HS3ST5: variants seen among roughly 807,000 people sequenced by gnomAD.
HS3ST5 encodes heparan sulfate-glucosamine 3-sulfotransferase 5.
HS3ST5 carries 10 observed loss-of-function variants against 25.4 expected under a neutral mutation model. That is an observed-to-expected ratio of 0.39 (90% CI 0.24 to 0.67). The LOEUF (loss-of-function observed/expected upper bound fraction) is 0.67, where lower values mean the gene tolerates loss of function less well. Ranked by LOEUF, HS3ST5 falls within the 30% of genes least tolerant of loss-of-function variation. The pLI, the probability that HS3ST5 is intolerant of heterozygous loss-of-function variation, is 0.44. For synonymous variants in HS3ST5, 170 were observed against 162.4 expected (o/e 1.05, Z -0.36); for missense variants, 324 against 420.7 (o/e 0.77, Z 2.01).
chr6:114,117,918 A>G (rs1582619709), intron 3 of HS3ST5, among the ~76,000 whole-genome samples: 1 of 81,082 alleles, frequency 1.2e-5, no homozygotes, highest in South Asian at 4.6e-4. Flanking sequence ...AAATGTCTCT[A>G]TAGTGTCTCA....
chr6:114,166,609 C>T (rs553346609), intron 3 of HS3ST5, among the ~76,000 whole-genome samples: 78 of 152,206 alleles, frequency 5.1e-4, no homozygotes, highest in African/African-American at 1.8e-3. Flanking sequence ...TGCACTATTA[C>T]ACAGGGTGAG....
At chr6:114,276,263 G>A (rs1773849738) in intron 1 of HS3ST5, among the ~76,000 whole-genome samples, 1 of 151,882 alleles carries the variant, frequency 6.6e-6, no homozygotes, top group African/African-American at 2.4e-5. Context: ...GACCTATGGG[G>A]TTCTCAGTTC....
chr6:114,076,432 A>T (rs1774139925), intron 3 of HS3ST5, among the ~76,000 whole-genome samples: 1 of 152,172 alleles, frequency 6.6e-6, no homozygotes, highest in Non-Finnish European at 1.5e-5. Flanking sequence ...GTACATTTTA[A>T]TTTTTAATGT....
At chr6:114,153,230 T>G (rs1198692413) in intron 3 of HS3ST5, among the ~76,000 whole-genome samples, 1 of 152,198 alleles carries the variant, frequency 6.6e-6, no homozygotes, top group Non-Finnish European at 1.5e-5. Context: ...CTGGGATATC[T>G]CCTTTTGTAT....
At chr6:114,092,075 G>T (rs1304452159) in intron 3 of HS3ST5, among the ~76,000 whole-genome samples, 1 of 152,204 alleles carries the variant, frequency 6.6e-6, no homozygotes, top group African/African-American at 2.4e-5. Flanking sequence ...AGGCCAAAAA[G>T]AGGTCAGTGG....
In HS3ST5 at chr6:114,055,797, A is replaced by C. The variant is rs1444527824; in HGVS notation, c.*1460T>G. 6 of 151,568 alleles carry C rather than the reference A, an allele frequency of 4.0e-5. No homozygotes were observed. The highest frequency in any genetic ancestry group is 8.8e-5 in the Non-Finnish European group (6 of 67,900). The allele number at this position is 151,568 out of a possible 1,614,324, so 9.4% of individuals were successfully genotyped here. On this transcript the variant is annotated 3_prime_UTR_variant, in exon 5 of 5. Coordinates refer to ENST00000312719, the MANE Select transcript of HS3ST5 (RefSeq NM_153612.4). ...TGGATTAGCAACTGTGATTGTGAGA[A>C]AAAAAAAATCCATCTTTTTGTTGTC...
intron 1 of HS3ST5, among the ~76,000 whole-genome samples, chr6:114,283,998 C>T (rs772380704): frequency 1.3e-5 from 2 of 151,880 alleles, no homozygotes; most frequent in Non-Finnish European, 2.9e-5. Flanking sequence ...CTCCATTCCA[C>T]GTAGGTCTAG....
At chr6:114,185,917 A>C (rs1444182876) in intron 2 of HS3ST5, among the ~76,000 whole-genome samples, 2 of 152,024 alleles carry the variant, frequency 1.3e-5, no homozygotes, top group Non-Finnish European at 2.9e-5. Flanking sequence ...TTTTATTAGT[A>C]GAGACAGGGT....
chr6:114,078,055 T>C (rs1480259665), intron 3 of HS3ST5, among the ~76,000 whole-genome samples: 1 of 152,202 alleles, frequency 6.6e-6, no homozygotes, highest in Non-Finnish European at 1.5e-5. Flanking sequence ...GAAATATGAA[T>C]GTATCATATT....
chr6:114,305,220 C>G (rs1775239589), intron 1 of HS3ST5, among the ~76,000 whole-genome samples: 1 of 152,058 alleles, frequency 6.6e-6, no homozygotes, highest in Non-Finnish European at 1.5e-5. Context: ...ATTAATATCA[C>G]CACCCACCTC....
At chr6:114,298,733 C>T (rs1163259021) in intron 1 of HS3ST5, among the ~76,000 whole-genome samples, 1 of 152,190 alleles carries the variant, frequency 6.6e-6, no homozygotes, top group Admixed American at 6.5e-5. Flanking sequence ...CAAATTAATA[C>T]TTTTACAATT....
intron 1 of HS3ST5, among the ~76,000 whole-genome samples, chr6:114,267,765 A>T (rs532240604): frequency 1.4e-4 from 21 of 152,274 alleles, no homozygotes; most frequent in Admixed American, 2.6e-4. Flanking sequence ...GCCAGGTAGA[A>T]CAAGCAATCT....
rs1779315397 is a variant in HS3ST5, at chr6:114,168,368, C to T, written c.-50G>A. ...ACACATACCTACATTCAGACAGGTC[C>T]CTATTATTCCAGCGATGATTATCTT... On this transcript the variant is annotated 5_prime_UTR_variant, in exon 3 of 5. Coordinates refer to ENST00000312719, the MANE Select transcript of HS3ST5 (RefSeq NM_153612.4). The T allele has an allele frequency of 6.6e-6, 1 of 152,182 alleles. No individual in the cohort carries two copies. The highest frequency in any genetic ancestry group is 1.9e-4 in the East Asian group (1 of 5,186). 9.4% of individuals were successfully genotyped at this position (152,182 alleles called of 1,614,324 possible).
At chr6:114,217,444 T>C (rs571507904) in intron 2 of HS3ST5, among the ~76,000 whole-genome samples, 2 of 152,332 alleles carry the variant, frequency 1.3e-5, no homozygotes, top group South Asian at 4.1e-4. Context: ...TATAATTATA[T>C]AAAGTTGTAT....
chr6:114,114,184 T>C (rs1776406330), intron 3 of HS3ST5, among the ~76,000 whole-genome samples: 6 of 152,172 alleles, frequency 3.9e-5, no homozygotes, highest in Admixed American at 3.9e-4. Context: ...ACCACTATAG[T>C]GCCAAACATG....
chr6:114,189,647 T>C (rs1780401814), intron 2 of HS3ST5, among the ~76,000 whole-genome samples: 1 of 152,208 alleles, frequency 6.6e-6, no homozygotes, highest in African/African-American at 2.4e-5. Flanking sequence ...TTAATTTCCA[T>C]GCATATTTTT....
rs185079173 is a variant in HS3ST5, at chr6:114,293,758, T to C, written c.-339+48437A>G. On this transcript the variant is annotated intron_variant, in intron 1 of 4. Transcript: ENST00000312719. ...AATGCCAACTCTGGGCTTTAAATAG[T>C]GAACTCAAAGAAGAGCCTGAGAAGA... Among the ~76,000 whole-genome samples, 427 of 152,236 alleles carry C rather than the reference T, an allele frequency of 2.8e-3. 2 individuals are homozygous for C. The highest frequency in any genetic ancestry group is 9.7e-3 in the African/African-American group (403 of 41,540).
intron 3 of HS3ST5, among the ~76,000 whole-genome samples, chr6:114,141,889 TGTGTGTG>T: frequency 6.6e-6 from 1 of 150,722 alleles, no homozygotes; most frequent in Non-Finnish European, 1.5e-5. Context: ...TGTGTGTGTG[TGTGTGTG>T]TGTGTGTGTA....
intron 3 of HS3ST5, among the ~76,000 whole-genome samples, chr6:114,113,869 G>A (rs1412104246): frequency 6.6e-6 from 1 of 151,970 alleles, no homozygotes; most frequent in Non-Finnish European, 1.5e-5. Context: ...GTCCTTGGAA[G>A]TAGTATGAAA....
Sources: allele counts gnomAD v4.1 joint callset (sites outside exome capture counted in the v4.1 genomes callset), GRCh38; gene constraint gnomAD v4.1.1; transcripts MANE v1.5; gene names NCBI Gene and HGNC (gene_info 2026-07-23, HGNC 2026-07-21).